SUMF1: variants seen among roughly 807,000 people sequenced by gnomAD.
The protein encoded by SUMF1 is formylglycine-generating enzyme.
Under a neutral mutation model 47.6 loss-of-function variants are expected in SUMF1, and 48 were observed. The ratio of observed to expected loss-of-function variants is 1.01; its 90% confidence interval spans 0.80 to 1.28. The LOEUF (loss-of-function observed/expected upper bound fraction) is 1.28. SUMF1 is among the 50% of genes most tolerant of loss of function. The pLI is 0.00. For synonymous variants in SUMF1, 230 were observed against 192.1 expected (o/e 1.20, Z -1.63); for missense variants, 571 against 485.4 (o/e 1.18, Z -1.66).
chr3:4,170,281 G>T (rs542929357), intron 8 of SUMF1, among the ~76,000 whole-genome samples: 1 of 152,214 alleles, frequency 6.6e-6, no homozygotes, highest in South Asian at 2.1e-4. Context: ...CTATATCAAT[G>T]GTTCTCAAAC....
At chr3:4,321,470 T>TAAAAAAAAAAA (rs1206478992) in intron 8 of SUMF1, among the ~76,000 whole-genome samples, 68 of 63,644 alleles carry the variant, frequency 1.1e-3, no homozygotes, top group African/African-American at 1.5e-3. Context: ...AAGGAAATGC[T>TAAAAAAAAAAA]AAAAAAAAAA....
At chr3:4,193,666 T>C (rs111812781) in intron 8 of SUMF1, among the ~76,000 whole-genome samples, 3,900 of 152,224 alleles carry the variant, frequency 0.026, 86 homozygotes, top group Non-Finnish European at 0.043. Context: ...GCAGTTACTA[T>C]TCATACCCTG....
intron 8 of SUMF1, among the ~76,000 whole-genome samples, chr3:4,183,583 A>G (rs901843906): frequency 4.6e-5 from 7 of 152,186 alleles, no homozygotes; most frequent in African/African-American, 1.2e-4. Context: ...GAGTTAACTA[A>G]TTACAGAGAA....
intron 8 of SUMF1, among the ~76,000 whole-genome samples, chr3:4,138,722 C>A (rs949789616): frequency 2.0e-5 from 3 of 152,056 alleles, no homozygotes; most frequent in Non-Finnish European, 2.9e-5. Context: ...CTTTATGCAA[C>A]TTTTCCTTTG....
At chr3:4,190,734 C>T (rs374191315) in intron 8 of SUMF1, among the ~76,000 whole-genome samples, 1 of 152,078 alleles carries the variant, frequency 6.6e-6, no homozygotes, top group South Asian at 2.1e-4. Context: ...TGAATTTTTA[C>T]TGACTTTCAT....
At chr3:4,421,537 T>C (rs532503170) in intron 3 of SUMF1, among the ~76,000 whole-genome samples, 28 of 152,222 alleles carry the variant, frequency 1.8e-4, no homozygotes, top group African/African-American at 6.5e-4. Context: ...TGGAGAACAG[T>C]GGCACGGTCA....
intron 8 of SUMF1, among the ~76,000 whole-genome samples, chr3:4,367,693 C>G (rs1452469932): frequency 6.6e-6 from 1 of 152,188 alleles, no homozygotes; most frequent in Non-Finnish European, 1.5e-5. Flanking sequence ...ATGTCTACAA[C>G]TGTCTGATCT....
chr3:4,462,905 G>C (rs921571420), intron 1 of SUMF1, among the ~76,000 whole-genome samples: 1 of 152,182 alleles, frequency 6.6e-6, no homozygotes, highest in African/African-American at 2.4e-5. Context: ...TGAGCTATAT[G>C]ATTCCTTTAA....
rs1701844527 is a variant in SUMF1 at position 4,420,157 on chromosome 3, C to G, written c.520-11G>C. 2 of 1,612,074 alleles carry G rather than the reference C, an allele frequency of 1.2e-6. No homozygotes were observed. Among genetic ancestry groups the G allele is most frequent in the Non-Finnish European group, 1.7e-6 (2 of 1,178,826 alleles). ...GGGAGCAGCTGCAACCTCAAAGCAA[C>G]CCAGAACAGGCTGATGTTAGCTACT... On this transcript the variant is annotated splice_polypyrimidine_tract_variant and intron_variant, in intron 3 of 8. Transcript: ENST00000272902.
intron 8 of SUMF1, among the ~76,000 whole-genome samples, chr3:4,194,768 C>G (rs961968125): frequency 4.6e-5 from 7 of 152,110 alleles, no homozygotes; most frequent in Admixed American, 4.6e-4. Context: ...TAATTTCAAC[C>G]TGTAAAACTA....
intron 8 of SUMF1, among the ~76,000 whole-genome samples, chr3:4,234,131 G>T (rs1696357774): frequency 6.6e-6 from 1 of 152,202 alleles, no homozygotes; most frequent in Non-Finnish European, 1.5e-5. Context: ...CATAGTTACA[G>T]ATAGTCAAAA....
intron 8 of SUMF1, among the ~76,000 whole-genome samples, chr3:4,156,606 G>T (rs1694457521): frequency 6.6e-6 from 1 of 151,590 alleles, no homozygotes; most frequent in South Asian, 2.1e-4. Flanking sequence ...TTTTCTGGGT[G>T]TTAATCCCAC....
intron 8 of SUMF1, among the ~76,000 whole-genome samples, chr3:4,254,253 G>C (rs1696889752): frequency 6.6e-6 from 1 of 152,028 alleles, no homozygotes; most frequent in South Asian, 2.1e-4. Context: ...ACGGAACAAA[G>C]CTGGATGGAG....
chr3:4,420,289 TAAAG>T, intron 3 of SUMF1, 143 bp from the exon 4 acceptor site: 1 of 709,336 alleles, frequency 1.4e-6, no homozygotes, highest in Non-Finnish European at 2.6e-6. Flanking sequence ...AATACCAAAA[TAAAG>T]ACTTATATGT....
chr3:4,417,297 A>T, intron 5 of SUMF1, 55 bp from the exon 6 acceptor site: 1 of 1,425,386 alleles, frequency 7.0e-7, no homozygotes, highest in Non-Finnish European at 9.9e-7. Flanking sequence ...TTTTGGATGA[A>T]AGTCAAGAGA....
At chr3:4,464,617 C>T (rs189670824) in intron 1 of SUMF1, among the ~76,000 whole-genome samples, 1 of 152,274 alleles carries the variant, frequency 6.6e-6, no homozygotes, top group East Asian at 1.9e-4. Flanking sequence ...GCAGAAACAC[C>T]ACTATGCTCA....
chr3:4,459,390 A>G (rs1348033320), intron 1 of SUMF1, among the ~76,000 whole-genome samples: 1 of 152,170 alleles, frequency 6.6e-6, no homozygotes, highest in Non-Finnish European at 1.5e-5. Context: ...GAAGTCAAGG[A>G]GAGATGGACT....
chr3:4,184,867 C>G (rs1695168736), intron 8 of SUMF1, among the ~76,000 whole-genome samples: 1 of 152,024 alleles, frequency 6.6e-6, no homozygotes, highest in Admixed American at 6.6e-5. Context: ...CCAGGCTGGT[C>G]TGGAACTCCT....
intron 6 of SUMF1, among the ~76,000 whole-genome samples, chr3:4,411,289 G>C (rs1406624130): frequency 3.3e-5 from 5 of 152,132 alleles, no homozygotes; most frequent in African/African-American, 7.2e-5. Flanking sequence ...TGGGTGAGTA[G>C]GGAGAGGATA....
Sources: gnomAD v4.1 joint callset for allele counts (sites outside exome capture counted in the v4.1 genomes callset) on GRCh38, gnomAD v4.1.1 for gene constraint, MANE v1.5 for transcripts, NCBI Gene and HGNC (gene_info 2026-07-23, HGNC 2026-07-21) for gene names.